Variants in MACROD2 observed in about 807,000 individuals in gnomAD.
MACROD2 encodes ADP-ribose glycohydrolase MACROD2.
A neutral mutation model predicts 70.4 loss-of-function variants in MACROD2; 36 were observed. That is an observed-to-expected ratio of 0.51 (90% CI 0.39 to 0.68). The LOEUF (loss-of-function observed/expected upper bound fraction) is 0.68. MACROD2 is among the 30% of genes least tolerant of loss of function. The probability of loss-of-function intolerance (pLI) is 0.00; values close to 1 mark genes in which losing one functional copy is unlikely to be tolerated. For missense variants in MACROD2, 496 were observed against 538.4 expected, an observed-to-expected ratio of 0.92 and a Z score of 0.78; for synonymous variants, 172 against 178.8, an observed-to-expected ratio of 0.96 and a Z score of 0.30.
At chr20:14,536,872 G>A (rs1197833556) in intron 4 of MACROD2, among the ~76,000 whole-genome samples, 1 of 152,128 alleles carries the variant, frequency 6.6e-6, no homozygotes, top group African/African-American at 2.4e-5. Context: ...TCATGCCAGT[G>A]CCTGTCTCAA....
At chr20:15,178,464 A>G (rs2076477660) in intron 5 of MACROD2, among the ~76,000 whole-genome samples, 1 of 152,222 alleles carries the variant, frequency 6.6e-6, no homozygotes, top group Non-Finnish European at 1.5e-5. Context: ...AAAGATTGGA[A>G]GTGGATTTGC....
At chr20:14,658,669 A>T (rs1460908722) in intron 4 of MACROD2, among the ~76,000 whole-genome samples, 1 of 152,196 alleles carries the variant, frequency 6.6e-6, no homozygotes, top group African/African-American at 2.4e-5. Context: ...GCTGGAGTGC[A>T]GTGGCACAAT....
chr20:15,230,076 GT>G lies in MACROD2; in HGVS notation c.540+21del. On this transcript the variant is annotated intron_variant, in intron 6 of 17. Transcript: ENST00000684519. Reference sequence around the variant, plus strand: ...TCCGATCAGTTGTAAGTAATTTTATGTTTTTTATTTCTCACTCTTTTTCAAC... The same window carrying G: ...TCCGATCAGTTGTAAGTAATTTTATGTTTTTATTTCTCACTCTTTTTCAAC... The G allele has an allele frequency of 6.2e-7, 1 of 1,609,270 alleles. No individual in the cohort carries two copies. The highest frequency in any genetic ancestry group is 1.7e-5 in the Admixed American group (1 of 59,684).
chr20:15,754,843 A>G (rs1182455303), intron 8 of MACROD2, among the ~76,000 whole-genome samples: 1 of 150,766 alleles, frequency 6.6e-6, no homozygotes, highest in Non-Finnish European at 1.5e-5. Context: ...TGGGCCCAAG[A>G]TGGGGCCCAG....
At chr20:15,156,329 G>A (rs2076306576) in intron 5 of MACROD2, among the ~76,000 whole-genome samples, 1 of 152,000 alleles carries the variant, frequency 6.6e-6, no homozygotes, top group African/African-American at 2.4e-5. Flanking sequence ...AGTCATCAGT[G>A]ACTTAGAAAA....
intron 15 of MACROD2, among the ~76,000 whole-genome samples, chr20:16,039,669 A>C (rs927677156): frequency 6.6e-5 from 10 of 151,944 alleles, no homozygotes; most frequent in Non-Finnish European, 1.5e-4. Flanking sequence ...TTTCTTCTGT[A>C]ATTGTGTGTT....
At chr20:15,118,196 A>ATTTT (rs35217480) in intron 5 of MACROD2, among the ~76,000 whole-genome samples, 25,013 of 145,778 alleles carry the variant, frequency 0.17, 2,865 homozygotes, top group Non-Finnish European at 0.25. Context: ...TTAATTTTAA[A>ATTTT]TTTTTTTTTT....
chr20:15,317,612 C>T (rs1277938018), intron 6 of MACROD2, among the ~76,000 whole-genome samples: 2 of 151,466 alleles, frequency 1.3e-5, no homozygotes, highest in Non-Finnish European at 2.9e-5. Context: ...TCTGGAGAAC[C>T]AAAAAAGTTG....
intron 5 of MACROD2, among the ~76,000 whole-genome samples, chr20:14,886,276 G>T (rs2073674258): frequency 6.6e-6 from 1 of 152,136 alleles, no homozygotes. Context: ...CCTGAGATAG[G>T]TATGGGCCAC....
chr20:15,048,579 A>G (rs2075414242), intron 5 of MACROD2, among the ~76,000 whole-genome samples: 1 of 152,168 alleles, frequency 6.6e-6, no homozygotes, highest in African/African-American at 2.4e-5. Context: ...ATACATATAA[A>G]ATATCATTAT....
intron 5 of MACROD2, among the ~76,000 whole-genome samples, chr20:14,942,407 T>TCTCCTCTTCCTCCTTTCTCCTC (rs1199686931): frequency 4.0e-5 from 6 of 151,830 alleles, no homozygotes; most frequent in South Asian, 2.1e-4. Context: ...TCCTTCTTCT[T>TCTCCTCTTCCTCCTTTCTCCTC]CTCCTCTTCC....
At chr20:15,916,453 C>CA (rs2065317167) in intron 10 of MACROD2, among the ~76,000 whole-genome samples, 1 of 152,204 alleles carries the variant, frequency 6.6e-6, no homozygotes, top group African/African-American at 2.4e-5. Context: ...ACCCTGCATA[C>CA]ACGCAAGAGG....
At position 15,170,750 on chromosome 20, in the gene MACROD2, C is replaced by T. The variant is rs562974923; in HGVS notation, c.419-59190C>T. Among the ~76,000 whole-genome samples the T allele has an allele frequency of 2.6e-5, 4 of 152,326 alleles. No individual in the cohort carries two copies. The South Asian group carries it at 8.3e-4, about 32-fold the overall frequency. ...GTGACACAGTACAAGCCCCAAAGAA[C>T]AGTGTTTTCAGTTGTCACAGGGAAG... is the stretch of plus-strand genomic sequence containing the variant. On this transcript the variant is annotated intron_variant, in intron 5 of 17. Transcript: ENST00000684519.
chr20:14,049,647 G>A (rs574865217), intron 2 of MACROD2, among the ~76,000 whole-genome samples: 3 of 151,846 alleles, frequency 2.0e-5, no homozygotes, highest in Non-Finnish European at 4.4e-5. Flanking sequence ...CAGCTACTAA[G>A]GAGGCTGAGG....
chr20:14,283,313 C>G (rs62207584), intron 3 of MACROD2, among the ~76,000 whole-genome samples: 29,182 of 152,030 alleles, frequency 0.19, 3,070 homozygotes, highest in South Asian at 0.34. Flanking sequence ...TGATTACCTG[C>G]CCTTCCTTTT....
intron 7 of MACROD2, among the ~76,000 whole-genome samples, chr20:15,495,023 T>G (rs1332238585): frequency 6.6e-6 from 1 of 152,136 alleles, no homozygotes; most frequent in African/African-American, 2.4e-5. Flanking sequence ...TCATGGCTTG[T>G]TCAGCCTCAT....
chr20:15,450,961 A>G (rs1473568641), intron 7 of MACROD2, among the ~76,000 whole-genome samples: 3 of 152,140 alleles, frequency 2.0e-5, no homozygotes, highest in Non-Finnish European at 4.4e-5. Flanking sequence ...TATGGGACAT[A>G]CTGGGCTTGA....
At chr20:14,334,057 C>G (rs1027869551) in intron 3 of MACROD2, among the ~76,000 whole-genome samples, 18 of 152,300 alleles carry the variant, frequency 1.2e-4, no homozygotes, top group Admixed American at 1.0e-3. Flanking sequence ...TTTTATACAT[C>G]CCTGACACTT....
At chr20:14,646,836 T>C (rs1382626665) in intron 4 of MACROD2, among the ~76,000 whole-genome samples, 3 of 152,114 alleles carry the variant, frequency 2.0e-5, no homozygotes, top group Admixed American at 2.0e-4. Flanking sequence ...TAATTGTATT[T>C]CTTTACCATG....
Sources: allele counts gnomAD v4.1 joint callset (sites outside exome capture counted in the v4.1 genomes callset), GRCh38; gene constraint gnomAD v4.1.1; transcripts MANE v1.5; gene names NCBI Gene and HGNC (gene_info 2026-07-23, HGNC 2026-07-21).